PLAC1: variants seen among roughly 807,000 people sequenced by gnomAD.
PLAC1 encodes the protein placenta-specific protein 1.
For missense variants in PLAC1, 136 were observed against 163.2 expected (o/e 0.83, Z 0.91); for synonymous variants, 68 against 62.1 (o/e 1.09, Z -0.44).
intron 2 of PLAC1, among the ~76,000 whole-genome samples, chrX:134,732,262 T>C (rs2078691014): frequency 9.0e-6 from 1 of 111,329 alleles, no homozygotes; most frequent in African/African-American, 3.3e-5. Context: ...TCAAGTCATA[T>C]CAATTTGAGC....
intron 2 of PLAC1, among the ~76,000 whole-genome samples, chrX:134,692,394 G>A (rs761465652): frequency 3.6e-5 from 4 of 111,671 alleles, no homozygotes; most frequent in African/African-American, 6.5e-5. Context: ...TGCATTTGGG[G>A]CATCTCCTTC....
At chrX:134,580,013 C>T (rs1233842183) in intron 2 of PLAC1, among the ~76,000 whole-genome samples, 1 of 112,107 alleles carries the variant, frequency 8.9e-6, no homozygotes, top group Admixed American at 9.5e-5. Context: ...GGCTACCTTC[C>T]GCCAATTGGA....
At chrX:134,744,156 C>T (rs2078723664) in intron 1 of PLAC1, among the ~76,000 whole-genome samples, 1 of 110,108 alleles carries the variant, frequency 9.1e-6, no homozygotes, top group Non-Finnish European at 1.9e-5. Context: ...GTGGCACATG[C>T]CTGTAATCCC....
intron 1 of PLAC1, among the ~76,000 whole-genome samples, 151 bp from the exon 2 acceptor site, chrX:134,602,273 C>A (rs1353848457): frequency 8.9e-6 from 1 of 112,154 alleles, no homozygotes; most frequent in African/African-American, 3.2e-5. Context: ...TAGAGAAGGC[C>A]CCCTATGTGA....
At chrX:134,663,263 C>A (rs2078422822), upstream of PLAC1, among the ~76,000 whole-genome samples, 1 of 112,752 alleles carries the variant, frequency 8.9e-6, no homozygotes. Flanking sequence ...TATGTCAGAA[C>A]CATGCTTGTT....
chrX:134,628,157 C>T (rs771927669), intron 1 of PLAC1, among the ~76,000 whole-genome samples: 2 of 112,054 alleles, frequency 1.8e-5, no homozygotes, highest in African/African-American at 6.5e-5. Flanking sequence ...ATTATTAAAC[C>T]AAGAATTGGT....
chrX:134,629,030 C>A (rs1201500548), intron 1 of PLAC1, among the ~76,000 whole-genome samples: 2 of 112,130 alleles, frequency 1.8e-5, no homozygotes, highest in African/African-American at 6.5e-5. Flanking sequence ...TTTGAAAATT[C>A]CTCTAATGTC....
At chrX:134,627,188 T>C (rs756483276) in intron 1 of PLAC1, among the ~76,000 whole-genome samples, 2 of 112,012 alleles carry the variant, frequency 1.8e-5, no homozygotes, top group Non-Finnish European at 3.8e-5. Flanking sequence ...TGTCTTCTGT[T>C]CCCTTTCTTC....
chrX:134,594,966 C>T (rs998181269), intron 2 of PLAC1, among the ~76,000 whole-genome samples: 1 of 107,708 alleles, frequency 9.3e-6, no homozygotes, highest in Non-Finnish European at 1.9e-5. Flanking sequence ...TGACTTGAGA[C>T]CTTTCCTCTT....
At chrX:134,726,937 C>T (rs2147841188) in intron 2 of PLAC1, among the ~76,000 whole-genome samples, 1 of 110,614 alleles carries the variant, frequency 9.0e-6, no homozygotes, top group Admixed American at 9.6e-5. Context: ...TATTTTATCC[C>T]ATTACCTACC....
At chrX:134,581,099 A>G (rs969620253) in intron 2 of PLAC1, among the ~76,000 whole-genome samples, 3 of 111,805 alleles carry the variant, frequency 2.7e-5, no homozygotes, top group African/African-American at 9.8e-5. Context: ...TGATTTCATC[A>G]TATCTTTAAA....
chrX:134,746,486 G>A (rs2078729480), intron 1 of PLAC1, among the ~76,000 whole-genome samples: 1 of 111,728 alleles, frequency 9.0e-6, no homozygotes, highest in Non-Finnish European at 1.9e-5. Flanking sequence ...TAGGATTGTG[G>A]TCACCTTGGC....
intron 1 of PLAC1, among the ~76,000 whole-genome samples, chrX:134,654,259 A>G (rs1347847342): frequency 8.9e-6 from 1 of 111,953 alleles, no homozygotes; most frequent in Non-Finnish European, 1.9e-5. Flanking sequence ...TCCATCTGTC[A>G]GTGCAGTCCT....
intron 2 of PLAC1, among the ~76,000 whole-genome samples, chrX:134,670,318 C>T: frequency 9.0e-6 from 1 of 111,505 alleles, no homozygotes; most frequent in South Asian, 3.8e-4. Context: ...CTGAGGAATG[C>T]CTCCCAAGCC....
At chrX:134,591,235 G>A (rs919073067) in intron 2 of PLAC1, among the ~76,000 whole-genome samples, 2 of 112,372 alleles carry the variant, frequency 1.8e-5, no homozygotes, top group African/African-American at 3.2e-5. Flanking sequence ...GTGTGTGTGT[G>A]TGTGTACACA....
At chrX:134,700,190 A>G (rs775394774) in intron 2 of PLAC1, among the ~76,000 whole-genome samples, 4 of 111,852 alleles carry the variant, frequency 3.6e-5, no homozygotes, top group Non-Finnish European at 7.5e-5. Flanking sequence ...TCTGAAATTA[A>G]CTATCTGGTT....
intron 2 of PLAC1, among the ~76,000 whole-genome samples, chrX:134,600,036 CATT>C (rs759904550): frequency 6.4e-5 from 7 of 109,693 alleles, no homozygotes; most frequent in South Asian, 7.9e-4. Context: ...AGGCTCAGAG[CATT>C]ATTATTATTA....
chrX:134,712,709 A>G (rs2078631657), intron 2 of PLAC1, among the ~76,000 whole-genome samples: 1 of 111,179 alleles, frequency 9.0e-6, no homozygotes, highest in Admixed American at 9.6e-5. Context: ...AGCCGTATCT[A>G]CCCATCCTGC....
At chrX:134,619,306 C>G (rs1460623424) in intron 1 of PLAC1, among the ~76,000 whole-genome samples, 3 of 112,036 alleles carry the variant, frequency 2.7e-5, no homozygotes, top group South Asian at 3.7e-4. Flanking sequence ...ACCCAGCTTC[C>G]CATAGCTAGT....
Sources: gnomAD v4.1 joint callset for allele counts (sites outside exome capture counted in the v4.1 genomes callset) on GRCh38, gnomAD v4.1.1 for gene constraint, MANE v1.5 for transcripts, NCBI Gene and HGNC (gene_info 2026-07-23, HGNC 2026-07-21) for gene names.